Variants in TSSK4 observed in about 807,000 individuals in gnomAD.
TSSK4 encodes testis specific serine kinase 4, also known as testis-specific serine/threonine-protein kinase 4.
Under a neutral mutation model 28.5 loss-of-function variants are expected in TSSK4, and 22 were observed. The ratio of observed to expected loss-of-function variants is 0.77; its 90% CI spans 0.55 to 1.10. TSSK4 has a LOEUF of 1.10. Among genes scored for constraint, TSSK4 ranks in the 50% least tolerant of loss-of-function variants. The probability of loss-of-function intolerance (pLI) is 0.00; values close to 1 mark genes in which losing one functional copy is unlikely to be tolerated. For missense variants in TSSK4, 329 were observed against 415.4 expected, an observed-to-expected ratio of 0.79 and a Z score of 1.81; for synonymous variants, 151 against 158.3, an observed-to-expected ratio of 0.95 and a Z score of 0.35.
rs1348458884 is a variant in TSSK4, at chr14:24,205,889, T to G, written c.-35T>G. On this transcript the variant is annotated 5_prime_UTR_variant, in exon 1 of 4. Transcript: ENST00000339917. ...GGCCTTTGGATAGGAGGCTTCCAAG[T>G]AGTAAAGCTCCCTGCTCTCAGCAAG... 6.4e-7 allele frequency: 1 copy of G among 1,573,132 alleles called. No homozygotes were observed. The highest frequency in any genetic ancestry group is 8.7e-7 in the Non-Finnish European group (1 of 1,144,504).
At chr14:24,207,033 A>G (rs1042369200) in intron 2 of TSSK4, 83 bp from the exon 3 acceptor site, 1 of 1,567,644 alleles carries the variant, frequency 6.4e-7, no homozygotes, top group Admixed American at 1.7e-5. Context: ...AATGGTTTCT[A>G]CCTCCCACTT....
chr14:24,207,846 C>T (rs780941222), intron 3 of TSSK4, 118 bp from the exon 4 acceptor site: 3 of 1,569,366 alleles, frequency 1.9e-6, no homozygotes, highest in Non-Finnish European at 2.6e-6. Context: ...GAGCCACACC[C>T]ACTTTGACCA....
At position 24,206,504 on chromosome 14, in the gene TSSK4, G is replaced by T. The variant is rs781493676; in HGVS notation, c.226-5G>T. ...AGGTTTGATGGGTCCTTCTTCTGGG[G>T]TCAGGTAATGAAAGTCTTGCGGCAC... On this transcript the variant is annotated splice_region_variant and splice_polypyrimidine_tract_variant and intron_variant, in intron 1 of 3. Transcript: ENST00000339917. 3 of 1,614,042 alleles carry T rather than the reference G, an allele frequency of 1.9e-6. No homozygotes were observed. The highest frequency in any genetic ancestry group is 2.5e-6 in the Non-Finnish European group (3 of 1,180,020).
Position 24,206,663 on chromosome 14 carries a change from A to G in TSSK4, c.380A>G (p.Lys127Arg). The change falls in exon 2 of 4, where the codon AAG becomes AGG. Residue 127 changes from lysine to arginine, a missense_variant. By Grantham distance (26) the Lys-to-Arg change is conservative. Around this residue, in one of 3 missense-constraint regions of TSSK4, gnomAD observed 175 missense variants for 196.0 expected, o/e 0.89. Transcript: ENST00000339917. ...GCCTGCTCTGAGCCCCTTGCTGGCA[A>G]GTGGTTCTCCCAGCTGACCCTGGGC... ...YGACSEPLAGKWFSQLTLGIA... is the reference protein window; with the variant it reads ...YGACSEPLAGRWFSQLTLGIA... 1 of 1,614,150 alleles carries G rather than the reference A, an allele frequency of 6.2e-7. No individual in the cohort carries two copies. Among genetic ancestry groups the G allele is most frequent in the Non-Finnish European group, 8.5e-7 (1 of 1,180,032 alleles).
At position 24,207,333 on chromosome 14, in the gene TSSK4, T is replaced by C. The variant is rs1705552738; in HGVS notation, c.658T>C (p.Leu220=). 6.2e-7 allele frequency: 1 copy of C among 1,614,170 alleles called. No individual in the cohort carries two copies. The highest frequency in any genetic ancestry group is 8.5e-7 in the Non-Finnish European group (1 of 1,180,034). The change falls in exon 3 of 4, where the codon TTA becomes CTA. Residue 220 remains leucine, a synonymous_variant. Coordinates refer to ENST00000339917, the MANE Select transcript of TSSK4 (RefSeq NM_001184739.2). ...GSFAYACPEI[L]RGLPYNPFLS... is the part of the protein sequence containing the mutation. The stretch of plus-strand genomic sequence containing the variant: ...CTTTGCTTACGCTTGCCCAGAGATC[T>C]TACGAGGCTTGCCCTACAACCCTTT...
chr14:24,208,092 G>A lies in TSSK4; in HGVS notation c.963G>A (p.Met321Ile). The A allele has an allele frequency of 6.2e-7, 1 of 1,614,168 alleles. No homozygotes were observed. The highest frequency in any genetic ancestry group is 8.5e-7 in the Non-Finnish European group (1 of 1,180,002). ...PTHEIRLLEA[M>I]CQLHNTTKQH... Reference sequence around the variant, plus strand: ...ATGAGATCAGGCTGCTTGAGGCCATGTGCCAGCTCCACAACACCACTAAAC... The same window carrying A: ...ATGAGATCAGGCTGCTTGAGGCCATATGCCAGCTCCACAACACCACTAAAC... The change falls in exon 4 of 4, where the codon ATG (methionine) becomes ATA (isoleucine). Residue 321 changes from methionine (M) to isoleucine (I), a missense_variant. This residue lies in a region of TSSK4 where 139 missense variants were observed against 178.1 expected (regional missense o/e 0.78). Transcript: ENST00000339917.
Position 24,207,401 on chromosome 14 carries a change from A to G in TSSK4, c.726A>G (p.Leu242=). ...GCATGGGCGTCATCCTTTACACTCT[A>G]GTGGTCGCCCATCTGCCCTTTGATG... ...TWSMGVILYT[L]VVAHLPFDDT... Residue 242 remains leucine (L), a synonymous_variant, in exon 3 of 4, where the codon CTA becomes CTG. Coordinates refer to ENST00000339917, the MANE Select transcript of TSSK4 (RefSeq NM_001184739.2). 1 of 1,614,118 alleles carries G rather than the reference A, an allele frequency of 6.2e-7. No individual in the cohort carries two copies. The highest frequency in any genetic ancestry group is 8.5e-7 in the Non-Finnish European group (1 of 1,180,030).
Position 24,208,053 on chromosome 14 carries a change from T to A in TSSK4, c.924T>A (p.Pro308=). The A allele has an allele frequency of 6.2e-7, 1 of 1,614,198 alleles. No individual in the cohort carries two copies. Among genetic ancestry groups the A allele is most frequent in the Non-Finnish European group, 8.5e-7 (1 of 1,180,036 alleles). Residue 308 remains proline, a synonymous_variant, in exon 4 of 4, where the codon CCT becomes CCA. Transcript: ENST00000339917. ...IKDSWVLKFQ[P]EQPTHEIRLL... Reference sequence around the variant, plus strand: ...ATTCCTGGGTGCTCAAGTTCCAGCCTGAGCAACCCACCCATGAGATCAGGC... The same window carrying A: ...ATTCCTGGGTGCTCAAGTTCCAGCCAGAGCAACCCACCCATGAGATCAGGC...
rs1416351222 is a variant in TSSK4, at chr14:24,207,624, C to T, written c.834+115C>T. The T allele has an allele frequency of 4.1e-6, 5 of 1,233,380 alleles. No individual in the cohort carries two copies. In the South Asian group the frequency reaches 4.4e-5, roughly 11 times the overall value. The allele number at this position is 1,233,380 out of a possible 1,614,324, so 76.4% of individuals were successfully genotyped here. A position where few individuals can be genotyped will look rare whatever the true frequency, so the allele number is the denominator to read the frequency against. On this transcript the variant is annotated intron_variant, in intron 3 of 3. Transcript: ENST00000339917. ...CAACCCTGGGGAAAGGCTCTTCCCACACCAGAGCCATCTCACACACTAGCT... is the reference window on the plus strand; with the variant it reads ...CAACCCTGGGGAAAGGCTCTTCCCATACCAGAGCCATCTCACACACTAGCT...
chr14:24,207,987 C>T lies in TSSK4; in HGVS notation c.858C>T (p.Arg286=). The T allele has an allele frequency of 1.2e-6, 2 of 1,614,226 alleles. No individual in the cohort carries two copies. The highest frequency in any genetic ancestry group is 8.5e-7 in the Non-Finnish European group (1 of 1,180,034). Residue 286 remains arginine (R), a synonymous_variant, in exon 4 of 4, where the codon CGC becomes CGT. Coordinates refer to ENST00000339917, the MANE Select transcript of TSSK4 (RefSeq NM_001184739.2). ...ECKNLILQML[R]QATKRATILD... ...AGAACCTGATCCTCCAGATGCTACG[C>T]CAAGCCACTAAGCGTGCCACCATTC...
At chr14:24,207,088 C>G (rs2039531870) in intron 2 of TSSK4, 28 bp from the exon 3 acceptor site, 1 of 1,601,236 alleles carries the variant, frequency 6.2e-7, no homozygotes, top group South Asian at 1.1e-5. Flanking sequence ...CCTTCAGCTC[C>G]CAGTCTAAAA....
chr14:24,206,783 C>T (rs2039526853), intron 2 of TSSK4, 60 bp downstream of exon 2: 3 of 1,568,394 alleles, frequency 1.9e-6, no homozygotes, highest in Non-Finnish European at 2.6e-6. Flanking sequence ...ATGCACATCT[C>T]CCATTTCCTG....
chr14:24,208,137 TACG>T lies in TSSK4; in HGVS notation c.1011_1013del (p.Thr338del), dbSNP rs34067514. 10,583 of 1,600,888 alleles carry T rather than the reference TACG, an allele frequency of 6.6e-3. 613 individuals carry two copies. The African/African-American group carries it at 0.13, about 19-fold the overall frequency. On this transcript the variant is annotated inframe_deletion, in exon 4 of 4. Coordinates refer to ENST00000339917, the MANE Select transcript of TSSK4 (RefSeq NM_001184739.2). ...CTAAACAGCACCAATCCTTGCAAAT[TACG>T]ACCTGAAAATGGCTGAGGGAGGGGG...
At chr14:24,207,776 C>T (rs917113109) in intron 3 of TSSK4, 188 bp from the exon 4 acceptor site, 8 of 1,177,160 alleles carry the variant, frequency 6.8e-6, no homozygotes, top group Middle Eastern at 2.7e-4. Flanking sequence ...GCATTCCTCC[C>T]AAGGAACTCT....
At position 24,206,547 on chromosome 14, in the gene TSSK4, C is replaced by G; in HGVS notation, c.264C>G (p.Phe88Leu). 6 of 1,614,240 alleles carry G rather than the reference C, an allele frequency of 3.7e-6. No individual in the cohort carries two copies. Among genetic ancestry groups the G allele is most frequent in the Non-Finnish European group, 4.2e-6 (5 of 1,180,042 alleles). ...KVLRHKYLIN[F>L]YRAIESTSRV... ...TGCGGCACAAGTACCTCATCAACTT[C>G]TATCGGGCCATTGAGAGCACATCTC... Residue 88 changes from phenylalanine (F) to leucine (L), a missense_variant, in exon 2 of 4, where the codon TTC becomes TTG. Transcript: ENST00000339917.
chr14:24,206,195 G>A (rs759617964), intron 1 of TSSK4, 47 bp downstream of exon 1: 36 of 1,569,456 alleles, frequency 2.3e-5, no homozygotes, highest in Non-Finnish European at 3.2e-5. Context: ...GTACTAAGCT[G>A]CTTGAGGTTT....
chr14:24,207,151 T>TA lies in TSSK4; in HGVS notation c.479dup (p.Leu161ValfsTer26), dbSNP rs2138854330. ...AGCCTTTCTGCTGCTGGTAGGGACT[T>TA]AAAGTTGGAGAACCTGTTGCTGGAC... On this transcript the variant is annotated frameshift_variant, in exon 3 of 4. Coordinates refer to ENST00000339917, the MANE Select transcript of TSSK4 (RefSeq NM_001184739.2). LOFTEE classifies it high-confidence loss of function. 6.2e-7 allele frequency: 1 copy of TA among 1,611,632 alleles called. No individual in the cohort carries two copies. The highest frequency in any genetic ancestry group is 8.5e-7 in the Non-Finnish European group (1 of 1,180,030).
rs1339175719 is a variant in TSSK4 at position 24,207,503 on chromosome 14, G to A, written c.828G>A (p.Glu276=). 6.2e-7 allele frequency: 1 copy of A among 1,606,866 alleles called. No individual in the cohort carries two copies. Among genetic ancestry groups the A allele is most frequent in the Non-Finnish European group, 8.5e-7 (1 of 1,176,322 alleles). The change falls in exon 3 of 4, where the codon GAG becomes GAA. Residue 276 remains glutamate (E), a synonymous_variant. Transcript: ENST00000339917. ...TFPANHTISQ[E]CKNLILQMLR... ...CAGCTAACCATACCATCTCCCAGGAGTGCAAGGTACTGGCTACCTAAGGAG... is the reference window on the plus strand; with the variant it reads ...CAGCTAACCATACCATCTCCCAGGAATGCAAGGTACTGGCTACCTAAGGAG...
At position 24,207,504 on chromosome 14, in the gene TSSK4, T is replaced by C. The variant is rs775598317; in HGVS notation, c.829T>C (p.Cys277Arg). 4.4e-6 allele frequency: 7 copies of C among 1,604,778 alleles called. No individual in the cohort carries two copies. In the African/African-American group the frequency reaches 8.1e-5, roughly 18 times the overall value. ...AGCTAACCATACCATCTCCCAGGAG[T>C]GCAAGGTACTGGCTACCTAAGGAGG... ...FPANHTISQE[C>R]KNLILQMLRQ... The change falls in exon 3 of 4, where the codon TGC (cysteine) becomes CGC (arginine). Residue 277 changes from cysteine (C) to arginine (R), a missense_variant. Transcript: ENST00000339917.
Sources: gnomAD v4.1 joint callset for allele counts on GRCh38, gnomAD v4.1.1 for gene constraint, gnomAD v4.1.1 regional missense constraint, MANE v1.5 for transcripts, NCBI Gene and HGNC (gene_info 2026-07-23, HGNC 2026-07-21) for gene names.